The following AGBL4 variants were observed in gnomAD, a reference collection of about 807,000 sequenced individuals.
AGBL4 encodes AGBL carboxypeptidase 4, also known as cytosolic carboxypeptidase 6.
A neutral mutation model predicts 66.4 loss-of-function variants in AGBL4; 58 were observed. The observed-to-expected ratio is 0.87, with a 90% CI of 0.71 to 1.09. The LOEUF (loss-of-function observed/expected upper bound fraction) is 1.09, where lower values mean the gene tolerates loss of function less well. AGBL4 is among the 50% of genes least tolerant of loss of function. The pLI, the probability that AGBL4 is intolerant of heterozygous loss-of-function variation, is 0.00. For synonymous variants in AGBL4, 234 were observed against 222.9 expected (o/e 1.05, Z -0.44); for missense variants, 579 against 631.0 (o/e 0.92, Z 0.88).
At chr1:49,143,910 C>G (rs1354523307) in intron 4 of AGBL4, among the ~76,000 whole-genome samples, 4 of 152,172 alleles carry the variant, frequency 2.6e-5, no homozygotes, top group African/African-American at 4.8e-5. Context: ...AGCTGGTTCT[C>G]TAGTGTAAAA....
At chr1:49,759,674 G>C (rs1652157145) in intron 2 of AGBL4, among the ~76,000 whole-genome samples, 1 of 152,162 alleles carries the variant, frequency 6.6e-6, no homozygotes, top group Non-Finnish European at 1.5e-5. Context: ...GTTTCTCCGT[G>C]AATATAAAAC....
chr1:49,736,688 G>A (rs1481572923), intron 2 of AGBL4, among the ~76,000 whole-genome samples: 1 of 152,050 alleles, frequency 6.6e-6, no homozygotes, highest in Non-Finnish European at 1.5e-5. Flanking sequence ...AAACTAAAGA[G>A]TTTCTGCACA....
chr1:48,586,880 C>T (rs1452159204), intron 11 of AGBL4, 124 bp downstream of exon 11: 7 of 1,288,158 alleles, frequency 5.4e-6, no homozygotes, highest in African/African-American at 4.4e-5. Flanking sequence ...AGAAGAAGCA[C>T]CTCCATCCTC....
intron 5 of AGBL4, among the ~76,000 whole-genome samples, chr1:48,908,482 A>G (rs1340898724): frequency 6.6e-6 from 1 of 152,208 alleles, no homozygotes; most frequent in Non-Finnish European, 1.5e-5. Flanking sequence ...TTGCAATGGC[A>G]TTTTTAAGTA....
At chr1:49,366,000 G>A (rs1170466621) in intron 3 of AGBL4, among the ~76,000 whole-genome samples, 1 of 152,142 alleles carries the variant, frequency 6.6e-6, no homozygotes, top group Non-Finnish European at 1.5e-5. Flanking sequence ...CAGCTGGAAG[G>A]AAAGACACAG....
intron 2 of AGBL4, among the ~76,000 whole-genome samples, chr1:49,770,998 T>C (rs1328382841): frequency 6.6e-6 from 1 of 152,132 alleles, no homozygotes; most frequent in African/African-American, 2.4e-5. Flanking sequence ...TTAGTCTCTT[T>C]CATTTATTTC....
intron 3 of AGBL4, among the ~76,000 whole-genome samples, chr1:49,364,849 TCAAA>T (rs1317355732): frequency 2.0e-5 from 3 of 152,184 alleles, no homozygotes; most frequent in Non-Finnish European, 4.4e-5. Flanking sequence ...ATTGCCAAGC[TCAAA>T]CAGATGGTGA....
intron 3 of AGBL4, among the ~76,000 whole-genome samples, chr1:49,277,068 G>A (rs1414876671): frequency 6.6e-6 from 1 of 152,026 alleles, no homozygotes; most frequent in African/African-American, 2.4e-5. Flanking sequence ...AAAAGGGAAA[G>A]AAAATAAGAG....
intron 1 of AGBL4, among the ~76,000 whole-genome samples, chr1:49,941,888 A>G (rs1202155542): frequency 6.6e-6 from 1 of 152,126 alleles, no homozygotes; most frequent in Non-Finnish European, 1.5e-5. Context: ...AGCCAGAGTA[A>G]TTAGGCAAGA....
intron 3 of AGBL4, among the ~76,000 whole-genome samples, chr1:49,258,404 T>A (rs1652754216): frequency 6.6e-6 from 1 of 152,068 alleles, no homozygotes; most frequent in Admixed American, 6.5e-5. Flanking sequence ...GTTGAAAAAT[T>A]TGAAAAAAAT....
intron 1 of AGBL4, among the ~76,000 whole-genome samples, chr1:49,933,745 A>G (rs191989021): frequency 1.5e-3 from 235 of 152,220 alleles, no homozygotes; most frequent in Non-Finnish European, 2.8e-3. Flanking sequence ...TTTTATAGAC[A>G]CCTAATGACC....
At chr1:49,903,170 A>C (rs1484167432) in intron 1 of AGBL4, among the ~76,000 whole-genome samples, 1 of 152,224 alleles carries the variant, frequency 6.6e-6, no homozygotes, top group Non-Finnish European at 1.5e-5. Context: ...GCCATAAAAA[A>C]GAATGAGATT....
At chr1:48,983,749 C>T (rs1382658669) in intron 5 of AGBL4, among the ~76,000 whole-genome samples, 1 of 152,070 alleles carries the variant, frequency 6.6e-6, no homozygotes, top group East Asian at 1.9e-4. Context: ...CTCTGTGCCC[C>T]AGTTTTCTCA....
chr1:48,730,555 T>C (rs893185722), intron 6 of AGBL4, among the ~76,000 whole-genome samples: 1 of 152,074 alleles, frequency 6.6e-6, no homozygotes, highest in African/African-American at 2.4e-5. Context: ...CCCCTAGCAT[T>C]AGTCAGGGAA....
chr1:49,493,786 AT>A (rs903462323), intron 3 of AGBL4, among the ~76,000 whole-genome samples: 3 of 152,092 alleles, frequency 2.0e-5, no homozygotes, highest in Non-Finnish European at 2.9e-5. Context: ...TTGACAAAAA[AT>A]AAATCCTATT....
Position 48,583,531 on chromosome 1 carries a change from T to C in AGBL4, c.1267+3473A>G, listed in dbSNP as rs150823763. On this transcript the variant is annotated intron_variant, in intron 11 of 13. Coordinates refer to ENST00000371839, the MANE Select transcript of AGBL4 (RefSeq NM_032785.4). ...TTTGTTCTGTTTGCATAATACCACATCTATACTTTAAATAAATATCTCTAT... is the reference window on the plus strand; with the variant it reads ...TTTGTTCTGTTTGCATAATACCACACCTATACTTTAAATAAATATCTCTAT... 7.9e-5 allele frequency among the ~76,000 whole-genome samples: 12 copies of C among 152,254 alleles called. No homozygotes were observed. The East Asian group carries it at 2.3e-3, about 29-fold the overall frequency.
intron 4 of AGBL4, among the ~76,000 whole-genome samples, chr1:49,171,946 G>T (rs754824836): frequency 1.6e-4 from 24 of 152,104 alleles, no homozygotes; most frequent in Non-Finnish European, 3.2e-4. Flanking sequence ...TTAGAGACAG[G>T]GACATTTAAG....
At chr1:49,632,250 C>G (rs149263531) in intron 3 of AGBL4, among the ~76,000 whole-genome samples, 2 of 152,142 alleles carry the variant, frequency 1.3e-5, no homozygotes, top group African/African-American at 2.4e-5. Context: ...ACATGGAAAC[C>G]CTTTTATTCT....
chr1:49,713,820 G>A (rs934834442), intron 2 of AGBL4, among the ~76,000 whole-genome samples: 1 of 152,012 alleles, frequency 6.6e-6, no homozygotes, highest in African/African-American at 2.4e-5. Context: ...TTAAGAGATA[G>A]GGTATTTGTA....
Sources: gnomAD v4.1 joint callset for allele counts (sites outside exome capture counted in the v4.1 genomes callset) on GRCh38, gnomAD v4.1.1 for gene constraint, MANE v1.5 for transcripts, NCBI Gene and HGNC (gene_info 2026-07-23, HGNC 2026-07-21) for gene names.